CACNA1I: variants seen among roughly 807,000 people sequenced by gnomAD.
CACNA1I encodes the protein voltage-dependent T-type calcium channel subunit alpha-1I.
In CACNA1I, 74 loss-of-function variants were observed where a neutral mutation model predicts 201.6. The observed-to-expected ratio is 0.37, with a 90% CI of 0.30 to 0.45. The LOEUF (loss-of-function observed/expected upper bound fraction) is 0.45, where lower values mean the gene tolerates loss of function less well. Ranked by LOEUF, CACNA1I falls within the 20% of genes least tolerant of loss-of-function variation. The pLI is 1.00. For synonymous variants in CACNA1I, 1,431 were observed against 1,345.2 expected (o/e 1.06, Z -1.40); for missense variants, 2,346 against 3,138.1 (o/e 0.75, Z 6.03).
At chr22:39,637,513 A>AAAT (rs1359514027) in intron 5 of CACNA1I, among the ~76,000 whole-genome samples, 8 of 152,174 alleles carry the variant, frequency 5.3e-5, no homozygotes, top group Non-Finnish European at 8.8e-5. Context: ...GTCACTTGGC[A>AAAT]GCACTCCTGT....
intron 1 of CACNA1I, among the ~76,000 whole-genome samples, chr22:39,594,541 G>T (rs1259352451): frequency 6.6e-6 from 1 of 152,164 alleles, no homozygotes. Flanking sequence ...GGGGTGAGGG[G>T]ACGGGAAGGA....
chr22:39,601,808 G>T (rs1193654903), intron 3 of CACNA1I, among the ~76,000 whole-genome samples: 3 of 148,046 alleles, frequency 2.0e-5, no homozygotes, highest in African/African-American at 7.5e-5. Context: ...AAGCTTGCTT[G>T]CTCTCTCGCT....
In CACNA1I at chr22:39,676,229, C is replaced by T. The variant is rs141927608; in HGVS notation, c.4855-1112C>T. On this transcript the variant is annotated intron_variant, in intron 29 of 36. Coordinates refer to ENST00000402142, the MANE Select transcript of CACNA1I (RefSeq NM_021096.4). The surrounding 1 kb of genome is among the most constrained non-coding windows in gnomAD (Gnocchi z 4.8). ...AGCTGAATTCCTAGAGCCGCGACCA[C>T]GCCAGATCCTTCTCAGCGGTCAGGG... Among the ~76,000 whole-genome samples the T allele has an allele frequency of 5.9e-3, 904 of 152,352 alleles. 4 individuals carry two copies. The highest frequency in any genetic ancestry group is 8.9e-3 in the Admixed American group (136 of 15,310).
chr22:39,608,700 G>A (rs1490697721), intron 3 of CACNA1I, among the ~76,000 whole-genome samples: 1 of 151,622 alleles, frequency 6.6e-6, no homozygotes, highest in Non-Finnish European at 1.5e-5. Context: ...TGTGTCTGTA[G>A]TCCCAGCTAC....
intron 10 of CACNA1I, 125 bp downstream of exon 10, chr22:39,650,050 C>A (rs1934604606): frequency 9.7e-7 from 1 of 1,035,540 alleles, no homozygotes; most frequent in Non-Finnish European, 1.4e-6. Flanking sequence ...AAGTGCCGGG[C>A]TGAGCTGGGT....
chr22:39,662,042 C>T lies in CACNA1I; in HGVS notation c.2979C>T (p.Ser993=). ...AWASRRSSWN[S]LKHKPPSAEH... ...CCAGCCGTCGCTCCAGCTGGAACAG[C>T]CTCAAGCACAAGCCGCCGTCGGCGG... Residue 993 remains serine (S), a synonymous_variant, in exon 17 of 37, where the codon AGC becomes AGT. Transcript: ENST00000402142. 2 of 1,566,482 alleles carry T rather than the reference C, an allele frequency of 1.3e-6. No individual in the cohort carries two copies. Among genetic ancestry groups the T allele is most frequent in the East Asian group, 2.4e-5 (1 of 41,670 alleles).
chr22:39,572,274 C>T (rs1932209849), intron 1 of CACNA1I, among the ~76,000 whole-genome samples: 1 of 151,954 alleles, frequency 6.6e-6, no homozygotes, highest in Admixed American at 6.6e-5. Flanking sequence ...GCCATGGTGG[C>T]CTTGTGGTTT....
intron 4 of CACNA1I, among the ~76,000 whole-genome samples, chr22:39,623,841 G>A (rs1325008785): frequency 2.7e-5 from 4 of 147,844 alleles, no homozygotes; most frequent in East Asian, 2.1e-4. Flanking sequence ...GCCTCTGAGC[G>A]TGTGTGCGTC....
At chr22:39,600,996 G>C (rs757486658) in intron 3 of CACNA1I, among the ~76,000 whole-genome samples, 9 of 152,204 alleles carry the variant, frequency 5.9e-5, no homozygotes, top group Non-Finnish European at 1.0e-4. Context: ...AATGCTAGCT[G>C]TTAGGATTGC....
intron 10 of CACNA1I, chr22:39,656,422 C>T (rs561289094): frequency 4.5e-4 from 235 of 518,986 alleles, no homozygotes; most frequent in South Asian, 3.1e-3. Flanking sequence ...GCTGAGATGT[C>T]GCTGCCTCCT....
intron 10 of CACNA1I, among the ~76,000 whole-genome samples, chr22:39,657,551 G>T (rs1934861229): frequency 6.6e-6 from 1 of 152,198 alleles, no homozygotes; most frequent in African/African-American, 2.4e-5. Context: ...GGGGTTAAGG[G>T]CAGGAGTCTT....
rs1372859296 is a variant in CACNA1I at position 39,660,387 on chromosome 22, C to G, written c.2648C>G (p.Ser883Cys). Residue 883 changes from serine to cysteine, a missense_variant, in exon 15 of 37, where the codon TCC becomes TGC. Coordinates refer to ENST00000402142, the MANE Select transcript of CACNA1I (RefSeq NM_021096.4). ...TACTCGGACGAGGACCAGAGCTCAT[C>G]CAACATAGAAGAGTTTGATAAGCTC... ...RSYSDEDQSS[S>C]NIEEFDKLQE... 1.2e-6 allele frequency: 2 copies of G among 1,612,822 alleles called. No homozygotes were observed. The highest frequency in any genetic ancestry group is 2.7e-5 in the African/African-American group (2 of 74,878).
At position 39,665,710 on chromosome 22, in the gene CACNA1I, TC is replaced by T. The variant is rs1935167558; in HGVS notation, c.3978+88del. 3 of 1,565,236 alleles carry T rather than the reference TC, an allele frequency of 1.9e-6. No homozygotes were observed. Among genetic ancestry groups the T allele is most frequent in the Non-Finnish European group, 2.6e-6 (3 of 1,146,728 alleles). ...GACAGCCAGGGGAGAGACTCCACAT[TC>T]CAACCTCATGCGCCTTGCCAGCTGT... is the stretch of plus-strand genomic sequence containing the variant. On this transcript the variant is annotated intron_variant, in intron 22 of 36. Coordinates refer to ENST00000402142, the MANE Select transcript of CACNA1I (RefSeq NM_021096.4). The surrounding 1 kb of genome is among the most constrained non-coding windows in gnomAD (Gnocchi z 5.5).
chr22:39,654,558 C>A (rs1029611508), intron 10 of CACNA1I, among the ~76,000 whole-genome samples: 1 of 152,212 alleles, frequency 6.6e-6, no homozygotes, highest in Non-Finnish European at 1.5e-5. Context: ...CTTCCTTCAG[C>A]AGCCCCTTAC....
intron 2 of CACNA1I, among the ~76,000 whole-genome samples, chr22:39,598,627 C>T (rs1198473601): frequency 6.6e-6 from 1 of 152,200 alleles, no homozygotes; most frequent in South Asian, 2.1e-4. Context: ...ACATGCACAC[C>T]TGCAAAGAAC....
Position 39,685,807 on chromosome 22 carries a change from C to CGGGCAGCCTGCAGACCACGCTCGA in CACNA1I, c.6077_6100dup (p.Gly2026_Glu2033dup). On this transcript the variant is annotated inframe_insertion, in exon 37 of 37. Transcript: ENST00000402142. The surrounding 1 kb of genome is among the most constrained non-coding windows in gnomAD (Gnocchi z 5.0). ...CTGGACGCCAGCCCCAGCAGCTCCGCGGGCAGCCTGCAGACCACGCTCGAG... is the reference window on the plus strand; with the variant it reads ...CTGGACGCCAGCCCCAGCAGCTCCGCGGGCAGCCTGCAGACCACGCTCGAGGGCAGCCTGCAGACCACGCTCGAG... 2 of 1,495,792 alleles carry CGGGCAGCCTGCAGACCACGCTCGA rather than the reference C, an allele frequency of 1.3e-6. No individual in the cohort carries two copies. The highest frequency in any genetic ancestry group is 1.8e-6 in the Non-Finnish European group (2 of 1,130,252). The allele number at this position is 1,495,792 out of a possible 1,614,324, so 92.7% of individuals were successfully genotyped here. A position where few individuals can be genotyped will look rare whatever the true frequency, so the allele number is the denominator to read the frequency against.
chr22:39,588,023 G>A (rs1932776965), intron 1 of CACNA1I, among the ~76,000 whole-genome samples: 1 of 151,956 alleles, frequency 6.6e-6, no homozygotes, highest in African/African-American at 2.4e-5. Flanking sequence ...TGATCTGCCT[G>A]CCTTGGCCTC....
intron 1 of CACNA1I, among the ~76,000 whole-genome samples, chr22:39,589,968 G>A (rs572992264): frequency 4.1e-5 from 6 of 146,366 alleles, no homozygotes; most frequent in East Asian, 2.1e-4. Context: ...CAGCACTCCC[G>A]CCCCCACCAG....
At position 39,598,156 on chromosome 22, in the gene CACNA1I, T is replaced by C; in HGVS notation, c.242T>C (p.Phe81Ser). 1 of 1,595,378 alleles carries C rather than the reference T, an allele frequency of 6.3e-7. No homozygotes were observed. The highest frequency in any genetic ancestry group is 2.3e-5 in the East Asian group (1 of 44,220). Residue 81 changes from phenylalanine (F) to serine (S), a missense_variant, in exon 2 of 37, where the codon TTT becomes TCT. Phe to Ser is a radical substitution (Grantham distance 155). This residue lies in a region of CACNA1I where 130 missense variants were observed against 160.7 expected (regional missense o/e 0.81). Transcript: ENST00000402142. ...WCIKMVCNPWFECVSMLVILL... is the reference protein window; with the variant it reads ...WCIKMVCNPWSECVSMLVILL... ...GTCCTTGACTTGGTGTGCACGTGGT[T>C]TGAATGTGTCAGCATGCTGGTGATC...
Sources: gnomAD v4.1 joint callset for allele counts (sites outside exome capture counted in the v4.1 genomes callset) on GRCh38, gnomAD v4.1.1 for gene constraint, gnomAD v4.1.1 regional missense constraint, Gnocchi (gnomAD v3.1) non-coding constraint, MANE v1.5 for transcripts, NCBI Gene and HGNC (gene_info 2026-07-23, HGNC 2026-07-21) for gene names.